RALGPS1: variants seen among roughly 807,000 people sequenced by gnomAD.
RALGPS1 encodes ras-specific guanine nucleotide-releasing factor RalGPS1.
RALGPS1 carries 19 observed loss-of-function variants against 78.8 expected under a neutral mutation model. The observed-to-expected ratio is 0.24, with a 90% confidence interval of 0.17 to 0.35. RALGPS1 has a LOEUF of 0.35. RALGPS1 is among the 10% of genes least tolerant of loss of function. The pLI is 1.00. For synonymous variants in RALGPS1, 228 were observed against 256.3 expected (o/e 0.89, Z 1.06); for missense variants, 454 against 688.3 (o/e 0.66, Z 3.81).
At chr9:127,193,488 T>A (rs541595370) in intron 11 of RALGPS1, among the ~76,000 whole-genome samples, 3 of 152,170 alleles carry the variant, frequency 2.0e-5, no homozygotes, top group Non-Finnish European at 4.4e-5. Context: ...AGACAACTCA[T>A]GGGAAGTGAG....
intron 1 of RALGPS1, among the ~76,000 whole-genome samples, chr9:126,923,388 A>C (rs1469190288): frequency 6.6e-6 from 1 of 152,204 alleles, no homozygotes; most frequent in East Asian, 1.9e-4. Context: ...GGCTGCCTCA[A>C]GGTGTGGCTT....
intron 8 of RALGPS1, among the ~76,000 whole-genome samples, chr9:127,143,803 AAAC>A (rs1386039765): frequency 6.6e-6 from 1 of 152,242 alleles, no homozygotes; most frequent in Non-Finnish European, 1.5e-5. Flanking sequence ...TTCCCACTGA[AAAC>A]AACCCTTCTT....
At chr9:127,061,428 A>G (rs769969265) in intron 7 of RALGPS1, among the ~76,000 whole-genome samples, 4 of 152,250 alleles carry the variant, frequency 2.6e-5, no homozygotes, top group Non-Finnish European at 5.9e-5. Context: ...CTGGAAAAGT[A>G]GAATAAGCAG....
intron 11 of RALGPS1, among the ~76,000 whole-genome samples, chr9:127,182,498 C>T (rs1008222985): frequency 1.3e-4 from 19 of 149,736 alleles, no homozygotes; most frequent in African/African-American, 4.2e-4. Context: ...GATGTGATCT[C>T]GGCTCACTGC....
intron 8 of RALGPS1, among the ~76,000 whole-genome samples, chr9:127,149,420 A>G (rs2139001052): frequency 6.6e-6 from 1 of 152,342 alleles, no homozygotes; most frequent in African/African-American, 2.4e-5. Context: ...CCAGCAACAT[A>G]GTGGAGCTCG....
chr9:127,143,662 G>C (rs1256960492), intron 8 of RALGPS1, among the ~76,000 whole-genome samples: 1 of 152,152 alleles, frequency 6.6e-6, no homozygotes, highest in Non-Finnish European at 1.5e-5. Context: ...CCTCTTATTT[G>C]GTCAAGGTGG....
Position 126,977,682 on chromosome 9 carries a change from T to C in RALGPS1, c.166-13T>C. 1 of 1,575,934 alleles carries C rather than the reference T, an allele frequency of 6.3e-7. No individual in the cohort carries two copies. The highest frequency in any genetic ancestry group is 8.7e-7 in the Non-Finnish European group (1 of 1,153,568). On this transcript the variant is annotated splice_polypyrimidine_tract_variant and intron_variant, in intron 3 of 18. Transcript: ENST00000259351. ...GTACAGTATTTTCTAAAATTGATTC[T>C]CTTTTGTTGCAGAGCCAGATTACAT...
chr9:127,184,096 C>T, intron 11 of RALGPS1: 1 of 1,515,800 alleles, frequency 6.6e-7, no homozygotes. Context: ...GAAGCCGAAG[C>T]AGGAGGATCA....
intron 4 of RALGPS1, among the ~76,000 whole-genome samples, chr9:126,999,143 T>C (rs180882141): frequency 3.9e-4 from 59 of 151,238 alleles, no homozygotes; most frequent in African/African-American, 1.4e-3. Context: ...GTTGTGCACA[T>C]GTACCCTAAA....
chr9:126,949,425 A>G (rs1018880383), intron 1 of RALGPS1, among the ~76,000 whole-genome samples: 1 of 152,098 alleles, frequency 6.6e-6, no homozygotes, highest in Non-Finnish European at 1.5e-5. Context: ...TTATAGTCCC[A>G]CCAACAGCGT....
chr9:127,178,143 G>A, intron 11 of RALGPS1: 1 of 744,132 alleles, frequency 1.3e-6, no homozygotes, highest in Non-Finnish European at 2.0e-6. Context: ...GCTGTGCAGG[G>A]TCTGTGGGCA....
chr9:127,043,979 C>T (rs1307991223), intron 5 of RALGPS1, among the ~76,000 whole-genome samples: 2 of 152,210 alleles, frequency 1.3e-5, no homozygotes, highest in African/African-American at 4.8e-5. Context: ...TTATTCATTG[C>T]TGGTGGGAAT....
intron 2 of RALGPS1, among the ~76,000 whole-genome samples, chr9:126,963,363 GTA>G (rs964781646): frequency 9.3e-5 from 14 of 151,274 alleles, no homozygotes; most frequent in Non-Finnish European, 1.5e-4. Context: ...GTGTGTGTGT[GTA>G]TATATATATA....
At chr9:126,943,842 G>A (rs547383354) in intron 1 of RALGPS1, among the ~76,000 whole-genome samples, 3 of 152,140 alleles carry the variant, frequency 2.0e-5, no homozygotes, top group African/African-American at 7.2e-5. Context: ...AAATTAGGTC[G>A]TAGGGCCAGG....
chr9:127,178,099 A>G (rs1006174294), intron 11 of RALGPS1: 1 of 1,171,878 alleles, frequency 8.5e-7, no homozygotes, highest in Middle Eastern at 2.3e-4. Context: ...AGTGTTACCA[A>G]TCCCAGGGAT....
At chr9:127,164,376 C>T (rs1564699069) in intron 8 of RALGPS1, among the ~76,000 whole-genome samples, 1 of 151,546 alleles carries the variant, frequency 6.6e-6, no homozygotes, top group Non-Finnish European at 1.5e-5. Flanking sequence ...GCTGGGATTA[C>T]AGGCGCCCAC....
chr9:127,016,179 A>G (rs1322652392), intron 4 of RALGPS1, among the ~76,000 whole-genome samples: 1 of 152,122 alleles, frequency 6.6e-6, no homozygotes, highest in Non-Finnish European at 1.5e-5. Flanking sequence ...ACAACAGTGC[A>G]GTGCCTAGAA....
At chr9:127,045,338 T>C (rs186863568) in intron 5 of RALGPS1, among the ~76,000 whole-genome samples, 2 of 152,338 alleles carry the variant, frequency 1.3e-5, no homozygotes, top group Non-Finnish European at 2.9e-5. Flanking sequence ...GAGAAAACTT[T>C]GCTGACCTAA....
chr9:127,196,794 C>T (rs1395583169), intron 13 of RALGPS1, among the ~76,000 whole-genome samples, 163 bp downstream of exon 13: 2 of 152,236 alleles, frequency 1.3e-5, no homozygotes, highest in Admixed American at 6.5e-5. Context: ...CAGGAATCGC[C>T]CAGACCCAGG....
Sources: gnomAD v4.1 joint callset for allele counts (sites outside exome capture counted in the v4.1 genomes callset) on GRCh38, gnomAD v4.1.1 for gene constraint, MANE v1.5 for transcripts, NCBI Gene and HGNC (gene_info 2026-07-23, HGNC 2026-07-21) for gene names.